The following BTBD9 variants were observed in gnomAD, a reference collection of about 807,000 sequenced individuals.
BTBD9 encodes BTB domain containing 9.
BTBD9 carries 49 observed loss-of-function variants against 64.3 expected under a neutral mutation model. The ratio of observed to expected loss-of-function variants is 0.76; its 90% confidence interval spans 0.61 to 0.97. The LOEUF is 0.97. Among genes scored for constraint, BTBD9 ranks in the 50% least tolerant of loss-of-function variants. BTBD9 has a pLI of 0.00. For missense variants in BTBD9, 598 were observed against 762.1 expected (o/e 0.78, Z 2.53); for synonymous variants, 260 against 274.7 (o/e 0.95, Z 0.53).
At chr6:38,193,321 G>A (rs899679528) in intron 9 of BTBD9, among the ~76,000 whole-genome samples, 1 of 152,184 alleles carries the variant, frequency 6.6e-6, no homozygotes, top group Non-Finnish European at 1.5e-5. Context: ...TGGGGGTCCT[G>A]CACCACCCTC....
rs553584798 is a variant in BTBD9 at position 38,522,357 on chromosome 6, T to G, written c.1154+55243A>C. The stretch of plus-strand genomic sequence containing the variant: ...TCCTTTCACATTTATACTTCTCAAA[T>G]TAAAGTCCCTATACTCTACTGAAAC... On this transcript the variant is annotated intron_variant, in intron 6 of 10. Transcript: ENST00000481247. 1.7e-3 allele frequency among the ~76,000 whole-genome samples: 99 copies of G among 59,358 alleles called. 1 individual carries two copies. Among genetic ancestry groups the G allele is most frequent in the African/African-American group, 4.1e-3 (90 of 21,892 alleles). 38.9% of individuals were successfully genotyped at this position (59,358 alleles called of 152,430 possible).
At chr6:38,285,189 G>A (rs1295782205) in intron 8 of BTBD9, among the ~76,000 whole-genome samples, 1 of 152,150 alleles carries the variant, frequency 6.6e-6, no homozygotes, top group East Asian at 1.9e-4. Flanking sequence ...GCCCAATGGA[G>A]GTCTGGAAGA....
intron 8 of BTBD9, among the ~76,000 whole-genome samples, chr6:38,264,296 C>G (rs1173658350): frequency 6.6e-6 from 1 of 152,156 alleles, no homozygotes; most frequent in Non-Finnish European, 1.5e-5. Context: ...TAATGACCAC[C>G]TGTAGGCTTC....
At chr6:38,219,950 T>G (rs373234446) in intron 9 of BTBD9, among the ~76,000 whole-genome samples, 11 of 152,240 alleles carry the variant, frequency 7.2e-5, no homozygotes, top group African/African-American at 2.4e-4. Context: ...TTATTTAATA[T>G]GGTAATATGG....
intron 10 of BTBD9, among the ~76,000 whole-genome samples, chr6:38,189,862 C>T (rs186802626): frequency 1.1e-4 from 16 of 151,916 alleles, no homozygotes; most frequent in African/African-American, 1.7e-4. Context: ...TTAGCACAGA[C>T]GGGGTTTTAC....
chr6:38,256,492 A>C lies in BTBD9; in HGVS notation c.1479T>G (p.Asp493Glu), dbSNP rs202033189. The C allele has an allele frequency of 3.8e-5, 62 of 1,613,532 alleles. No homozygotes were observed. The African/African-American group carries it at 7.6e-4, about 20-fold the overall frequency. ...CCTCAACGTAGTAGCTATAGCTTCGATCATCACAATCCCAAAGTAGTAACC... is the reference window on the plus strand; with the variant it reads ...CCTCAACGTAGTAGCTATAGCTTCGCTCATCACAATCCCAAAGTAGTAACC... ...SIRLLLWDCDDRSYSYYVEVS... is the reference protein window; with the variant it reads ...SIRLLLWDCDERSYSYYVEVS... Residue 493 changes from aspartate to glutamate, a missense_variant, in exon 9 of 11, where the codon GAT becomes GAG. Transcript: ENST00000481247.
At chr6:38,336,174 A>G (rs1241948792) in intron 7 of BTBD9, among the ~76,000 whole-genome samples, 1 of 152,208 alleles carries the variant, frequency 6.6e-6, no homozygotes, top group Non-Finnish European at 1.5e-5. Context: ...TTCCTCCATC[A>G]GGTGCAAGGT....
At chr6:38,275,133 C>T (rs913951389) in intron 8 of BTBD9, among the ~76,000 whole-genome samples, 1 of 152,218 alleles carries the variant, frequency 6.6e-6, no homozygotes. Flanking sequence ...CAGCATGGTA[C>T]TGGTTCCAAA....
intron 6 of BTBD9, among the ~76,000 whole-genome samples, chr6:38,362,870 T>A (rs1157698771): frequency 6.6e-6 from 1 of 152,056 alleles, no homozygotes; most frequent in Non-Finnish European, 1.5e-5. Flanking sequence ...ACCAAAGAGA[T>A]AAAAATTCCT....
At chr6:38,309,631 T>A (rs1762754336) in intron 7 of BTBD9, among the ~76,000 whole-genome samples, 1 of 151,906 alleles carries the variant, frequency 6.6e-6, no homozygotes, top group Admixed American at 6.5e-5. Context: ...CAGGATGGTC[T>A]CAATCTCCTG....
chr6:38,550,322 CTTTTTT>C (rs70981562), intron 6 of BTBD9, among the ~76,000 whole-genome samples: 2 of 144,054 alleles, frequency 1.4e-5, no homozygotes, highest in African/African-American at 5.1e-5. Context: ...TTTCTTTTTT[CTTTTTT>C]TTTTTTGAGA....
At chr6:38,320,796 T>C (rs1319055587) in intron 7 of BTBD9, among the ~76,000 whole-genome samples, 1 of 152,198 alleles carries the variant, frequency 6.6e-6, no homozygotes, top group East Asian at 1.9e-4. Context: ...TTTTTCCCCA[T>C]GTGGAATGGG....
chr6:38,350,413 T>C (rs1215433000), intron 6 of BTBD9, among the ~76,000 whole-genome samples: 2 of 152,232 alleles, frequency 1.3e-5, no homozygotes, highest in African/African-American at 4.8e-5. Flanking sequence ...TTCCGCAGTC[T>C]TCAGTTCTAG....
intron 7 of BTBD9, among the ~76,000 whole-genome samples, chr6:38,313,550 T>C (rs1401821075): frequency 6.6e-6 from 1 of 152,164 alleles, no homozygotes; most frequent in African/African-American, 2.4e-5. Flanking sequence ...TTGAGGTATG[T>C]TCCTTCTATA....
intron 6 of BTBD9, among the ~76,000 whole-genome samples, chr6:38,462,919 C>T (rs566555981): frequency 6.6e-6 from 1 of 152,334 alleles, no homozygotes; most frequent in East Asian, 1.9e-4. Context: ...CCACCTCAGA[C>T]TCCTGAGCAG....
At chr6:38,235,844 G>A (rs1763759927) in intron 9 of BTBD9, among the ~76,000 whole-genome samples, 1 of 152,152 alleles carries the variant, frequency 6.6e-6, no homozygotes, top group South Asian at 2.1e-4. Flanking sequence ...TGAAGCATAT[G>A]AATCCCTTCT....
intron 1 of BTBD9, among the ~76,000 whole-genome samples, chr6:38,612,576 G>C (rs1455443305): frequency 6.6e-6 from 1 of 152,078 alleles, no homozygotes; most frequent in Non-Finnish European, 1.5e-5. Flanking sequence ...ATATCTGGTG[G>C]CCAGTCCACA....
chr6:38,330,492 G>A (rs867632993), intron 7 of BTBD9, among the ~76,000 whole-genome samples: 1 of 152,112 alleles, frequency 6.6e-6, no homozygotes, highest in Non-Finnish European at 1.5e-5. Context: ...TTTGAGGACA[G>A]CCTGGGCAAC....
At chr6:38,292,189 C>A (rs1048105376) in intron 7 of BTBD9, among the ~76,000 whole-genome samples, 4 of 151,914 alleles carry the variant, frequency 2.6e-5, no homozygotes, top group Non-Finnish European at 1.5e-5. Context: ...GTCTTGAACT[C>A]CTGACCTCAG....
Sources: allele counts gnomAD v4.1 joint callset (sites outside exome capture counted in the v4.1 genomes callset), GRCh38; gene constraint gnomAD v4.1.1; transcripts MANE v1.5; gene names NCBI Gene and HGNC (gene_info 2026-07-23, HGNC 2026-07-21).